Variants in S1PR1 observed in about 807,000 individuals in gnomAD.
S1PR1 encodes the protein sphingosine 1-phosphate receptor 1.
S1PR1 carries 2 observed loss-of-function variants against 18.3 expected under a neutral mutation model. The observed-to-expected ratio is 0.11, with a 90% CI of 0.04 to 0.34. The LOEUF (loss-of-function observed/expected upper bound fraction) is 0.34. Among genes scored for constraint, S1PR1 ranks in the 10% least tolerant of loss-of-function variants. S1PR1 has a pLI of 1.00. For missense variants in S1PR1, 335 were observed against 493.8 expected (o/e 0.68, Z 3.05); for synonymous variants, 222 against 211.2 (o/e 1.05, Z -0.44).
Position 101,240,877 on chromosome 1 carries a change from C to A in S1PR1, c.*744C>A, listed in dbSNP as rs1348197103. On this transcript the variant is annotated 3_prime_UTR_variant, in exon 2 of 2. Transcript: ENST00000305352. ...ATGAAATGTGTTACCATTTCATATC[C>A]ATTGAAGCCGAAATCTGCATAAGGA... is the stretch of plus-strand genomic sequence containing the variant. 1 of 167,160 alleles carries A rather than the reference C, an allele frequency of 6.0e-6. No homozygotes were observed. The highest frequency in any genetic ancestry group is 1.9e-4 in the East Asian group (1 of 5,344). The allele number at this position is 167,160 out of a possible 1,614,324, so 10.4% of individuals were successfully genotyped here.
At chr1:101,237,227 G>C (rs184967244) in intron 1 of S1PR1, 128 bp downstream of exon 1, 2 of 152,218 alleles carry the variant, frequency 1.3e-5, no homozygotes, top group Non-Finnish European at 2.9e-5. Flanking sequence ...ATCTCCGGGC[G>C]CTGAAAATTT....
rs774452101 is a variant in S1PR1, at chr1:101,239,164, C to T, written c.180C>T (p.Ile60=). The T allele has an allele frequency of 6.2e-7, 1 of 1,614,266 alleles. No individual in the cohort carries two copies. ...VVFILICCFI[I]LENIFVLLTI... ...TCATTCTCATCTGCTGCTTTATCAT[C>T]CTGGAGAACATCTTTGTCTTGCTGA... Residue 60 remains isoleucine (I), a synonymous_variant, in exon 2 of 2, where the codon ATC becomes ATT. Coordinates refer to ENST00000305352, the MANE Select transcript of S1PR1 (RefSeq NM_001400.5). The surrounding 1 kb of genome is among the most constrained non-coding windows in gnomAD (Gnocchi z 6.3).
chr1:101,237,348 G>C (rs1247388285), intron 1 of S1PR1, among the ~76,000 whole-genome samples: 2 of 152,182 alleles, frequency 1.3e-5, no homozygotes, highest in Admixed American at 6.5e-5. Flanking sequence ...TACGGGTGTA[G>C]GGGCAGTGAA....
chr1:101,237,057 G>C lies in S1PR1; in HGVS notation c.-206G>C, dbSNP rs201816028. 1 of 152,280 alleles carries C rather than the reference G, an allele frequency of 6.6e-6. No homozygotes were observed. Among genetic ancestry groups the C allele is most frequent in the African/African-American group, 2.4e-5 (1 of 41,450 alleles). The allele number at this position is 152,280 out of a possible 1,614,324, so 9.4% of individuals were successfully genotyped here. ...AGCAAGATGCGAAGCGAGCCGTACA[G>C]ATCCCGGGCTCTCCGAACGCAACTT... is the stretch of plus-strand genomic sequence containing the variant. On this transcript the variant is annotated 5_prime_UTR_variant, in exon 1 of 2. Coordinates refer to ENST00000305352, the MANE Select transcript of S1PR1 (RefSeq NM_001400.5).
In S1PR1 at chr1:101,238,812, C is replaced by T. The variant is rs1248291399; in HGVS notation, c.-163-10C>T. The T allele has an allele frequency of 3.2e-6, 2 of 625,640 alleles. No individual in the cohort carries two copies. Among genetic ancestry groups the T allele is most frequent in the East Asian group, 5.5e-5 (2 of 36,668 alleles). The allele number at this position is 625,640 out of a possible 1,614,324, so 38.8% of individuals were successfully genotyped here. ...CTCTTTCCCTGACTCTCTCCTCTGA[C>T]TTGTTTAAGGCTGCGGTTTCCGAGG... On this transcript the variant is annotated splice_polypyrimidine_tract_variant and intron_variant, in intron 1 of 1. Coordinates refer to ENST00000305352, the MANE Select transcript of S1PR1 (RefSeq NM_001400.5).
Position 101,240,377 on chromosome 1 carries a change from C to T in S1PR1, c.*244C>T, listed in dbSNP as rs1016689704. 3.5e-6 allele frequency: 2 copies of T among 576,052 alleles called. No individual in the cohort carries two copies. Among genetic ancestry groups the T allele is most frequent in the East Asian group, 3.0e-5 (1 of 32,806 alleles). The allele number at this position is 576,052 out of a possible 1,614,324, so 35.7% of individuals were successfully genotyped here. On this transcript the variant is annotated 3_prime_UTR_variant, in exon 2 of 2. Coordinates refer to ENST00000305352, the MANE Select transcript of S1PR1 (RefSeq NM_001400.5). ...CGGCCTGGAATATATTTTCTACCCC[C>T]CTGGAGCTTTGATTTTGCACTGAGC... is the stretch of plus-strand genomic sequence containing the variant.
chr1:101,241,246 C>G lies in S1PR1; in HGVS notation c.*1113C>G, dbSNP rs1262415943. 1 of 167,230 alleles carries G rather than the reference C, an allele frequency of 6.0e-6. No homozygotes were observed. Among genetic ancestry groups the G allele is most frequent in the African/African-American group, 2.4e-5 (1 of 41,452 alleles). 10.4% of individuals were successfully genotyped at this position (167,230 alleles called of 1,614,324 possible). On this transcript the variant is annotated 3_prime_UTR_variant, in exon 2 of 2. Coordinates refer to ENST00000305352, the MANE Select transcript of S1PR1 (RefSeq NM_001400.5). ...GTATTTCTTAAGAAAATACCACCCT[C>G]TTGTGCCCTTAAAAGCATTACTTTA...
At position 101,238,896 on chromosome 1, in the gene S1PR1, T is replaced by G. The variant is rs1447856591; in HGVS notation, c.-89T>G. On this transcript the variant is annotated 5_prime_UTR_variant, in exon 2 of 2. Coordinates refer to ENST00000305352, the MANE Select transcript of S1PR1 (RefSeq NM_001400.5). ...CCTGGATCACTCATCGAACCACCCC[T>G]GAAGCCAGTGAAGGCTCTCTCGCCT... 1.5e-6 allele frequency: 2 copies of G among 1,326,806 alleles called. No homozygotes were observed. The highest frequency in any genetic ancestry group is 2.5e-5 in the East Asian group (1 of 40,636). The allele number at this position is 1,326,806 out of a possible 1,614,324, so 82.2% of individuals were successfully genotyped here.
In S1PR1 at chr1:101,239,709, CCAAGGCCAGCCGCAGCTCTG is replaced by C; in HGVS notation, c.726_745del (p.Lys243GlufsTer39). 2 of 1,614,030 alleles carry C rather than the reference CCAAGGCCAGCCGCAGCTCTG, an allele frequency of 1.2e-6. No homozygotes were observed. The highest frequency in any genetic ancestry group is 1.7e-6 in the Non-Finnish European group (2 of 1,180,034). ...CGCCTGACGTTCCGCAAGAACATTT[CCAAGGCCAGCCGCAGCTCTG>C]AGAAGTCGCTGGCGCTGCTCAAGAC... is the stretch of plus-strand genomic sequence containing the variant. On this transcript the variant is annotated frameshift_variant, in exon 2 of 2. Transcript: ENST00000305352. LOFTEE classifies it high-confidence loss of function. This position sits in a 1 kb window ranked among gnomAD's most constrained non-coding sequence, Gnocchi z 6.3.
intron 1 of S1PR1, chr1:101,238,270 A>AT (rs1270809250): frequency 6.6e-6 from 1 of 150,558 alleles, no homozygotes; most frequent in Non-Finnish European, 1.5e-5. Context: ...AGTATCTTTG[A>AT]ACTGGGGGGC....
At chr1:101,238,073 G>C (rs1015066252) in intron 1 of S1PR1, 1 of 151,848 alleles carries the variant, frequency 6.6e-6, no homozygotes, top group Admixed American at 6.5e-5. Context: ...TCACGGAGGC[G>C]CTAAGCTTTC....
chr1:101,239,843 T>G lies in S1PR1; in HGVS notation c.859T>G (p.Cys287Gly). 1 of 1,613,734 alleles carries G rather than the reference T, an allele frequency of 6.2e-7. No homozygotes were observed. Among genetic ancestry groups the G allele is most frequent in the Non-Finnish European group, 8.5e-7 (1 of 1,180,026 alleles). ...LLDVGCKVKT[C>G]DILFRAEYFL... ...GGATGTGGGCTGCAAGGTGAAGACC[T>G]GTGACATCCTCTTCAGAGCGGAGTA... is the stretch of plus-strand genomic sequence containing the variant. The change falls in exon 2 of 2, where the codon TGT becomes GGT. Residue 287 changes from cysteine to glycine, a missense_variant. Transcript: ENST00000305352. This position sits in a 1 kb window ranked among gnomAD's most constrained non-coding sequence, Gnocchi z 6.3.
rs1478043953 is a variant in S1PR1, at chr1:101,241,319, AG to A, written c.*1187del. On this transcript the variant is annotated 3_prime_UTR_variant, in exon 2 of 2. Transcript: ENST00000305352. ...TTTTCAGTCCAGCTATTCATTAGAT[AG>A]TAATTGAAGATATGTATAAATATTA... The A allele has an allele frequency of 6.0e-6, 1 of 167,362 alleles. No individual in the cohort carries two copies. Among genetic ancestry groups the A allele is most frequent in the East Asian group, 1.9e-4 (1 of 5,316 alleles). 10.4% of individuals were successfully genotyped at this position (167,362 alleles called of 1,614,324 possible).
chr1:101,238,715 T>C (rs887817262), intron 1 of S1PR1, 107 bp from the exon 2 acceptor site: 1 of 443,348 alleles, frequency 2.3e-6, no homozygotes, highest in East Asian at 3.4e-5. Context: ...CCCAAGTTTC[T>C]TTAAAACAAA....
Position 101,240,270 on chromosome 1 carries a change from C to A in S1PR1, c.*137C>A. 1 of 870,844 alleles carries A rather than the reference C, an allele frequency of 1.1e-6. No homozygotes were observed. The highest frequency in any genetic ancestry group is 1.8e-6 in the Non-Finnish European group (1 of 557,716). The allele number at this position is 870,844 out of a possible 1,614,324, so 53.9% of individuals were successfully genotyped here. On this transcript the variant is annotated 3_prime_UTR_variant, in exon 2 of 2. Coordinates refer to ENST00000305352, the MANE Select transcript of S1PR1 (RefSeq NM_001400.5). ...GCCAGAGGGAGGAAGGGGGAGAATACGAACAGCCTGGTGGTGTCGGGTGTT... is the reference window on the plus strand; with the variant it reads ...GCCAGAGGGAGGAAGGGGGAGAATAAGAACAGCCTGGTGGTGTCGGGTGTT...
Position 101,239,007 on chromosome 1 carries a change from T to C in S1PR1, c.23T>C (p.Leu8Pro). 3 of 1,613,814 alleles carry C rather than the reference T, an allele frequency of 1.9e-6. No individual in the cohort carries two copies. The highest frequency in any genetic ancestry group is 2.5e-6 in the Non-Finnish European group (3 of 1,179,768). Residue 8 changes from leucine (L) to proline (P), a missense_variant, in exon 2 of 2, where the codon CTG becomes CCG. Leu to Pro is a moderately conservative substitution (Grantham distance 98, BLOSUM62 -3). Transcript: ENST00000305352. The surrounding 1 kb of genome is among the most constrained non-coding windows in gnomAD (Gnocchi z 6.3). ...ACCATGGGGCCCACCAGCGTCCCGC[T>C]GGTCAAGGCCCACCGCAGCTCGGTC... MGPTSVP[L>P]VKAHRSSVSD...
rs1441830727 is a variant in S1PR1 at position 101,239,034 on chromosome 1, C to T, written c.50C>T (p.Ser17Phe). 1.2e-6 allele frequency: 2 copies of T among 1,614,262 alleles called. No homozygotes were observed. Among genetic ancestry groups the T allele is most frequent in the South Asian group, 2.2e-5 (2 of 91,084 alleles). ...PLVKAHRSSV[S>F]DYVNYDIIVR... Reference sequence around the variant, plus strand: ...GTCAAGGCCCACCGCAGCTCGGTCTCTGACTACGTCAACTATGATATCATC... The same window carrying T: ...GTCAAGGCCCACCGCAGCTCGGTCTTTGACTACGTCAACTATGATATCATC... The change falls in exon 2 of 2, where the codon TCT (serine) becomes TTT (phenylalanine). Residue 17 changes from serine to phenylalanine, a missense_variant. Ser to Phe is a radical substitution (Grantham distance 155). Around this residue, in one of 3 missense-constraint regions of S1PR1, gnomAD observed 31 missense variants for 29.6 expected, o/e 1.05. Transcript: ENST00000305352. This position sits in a 1 kb window ranked among gnomAD's most constrained non-coding sequence, Gnocchi z 6.3.
In S1PR1 at chr1:101,240,090, CA is replaced by C; in HGVS notation, c.1107del (p.Glu370ArgfsTer99). On this transcript the variant is annotated frameshift_variant, in exon 2 of 2. Coordinates refer to ENST00000305352, the MANE Select transcript of S1PR1 (RefSeq NM_001400.5). LOFTEE classifies it high-confidence loss of function. Reference sequence around the variant, plus strand: ...CCCCAGAAAGACGAAGGGGACAACCCAGAGACCATTATGTCTTCTGGAAACG... The same window carrying C: ...CCCCAGAAAGACGAAGGGGACAACCCGAGACCATTATGTCTTCTGGAAACG... ...SHPQKDEGDN[P>X]ETIMSSGNVN... The C allele has an allele frequency of 6.2e-7, 1 of 1,613,300 alleles. No individual in the cohort carries two copies. Among genetic ancestry groups the C allele is most frequent in the Non-Finnish European group, 8.5e-7 (1 of 1,180,040 alleles).
At chr1:101,242,184 A>G (rs1225796895), downstream of S1PR1, among the ~76,000 whole-genome samples, 1 of 152,194 alleles carries the variant, frequency 6.6e-6, no homozygotes, top group Non-Finnish European at 1.5e-5. Flanking sequence ...ATTCTCAGTC[A>G]TTAATTTTTC....
Sources: allele counts gnomAD v4.1 joint callset (sites outside exome capture counted in the v4.1 genomes callset), GRCh38; gene constraint gnomAD v4.1.1; regional missense constraint gnomAD v4.1.1; non-coding constraint Gnocchi (gnomAD v3.1); transcripts MANE v1.5; gene names NCBI Gene and HGNC (gene_info 2026-07-23, HGNC 2026-07-21).